Variants in PRKG1 observed in about 807,000 individuals in gnomAD.
The protein encoded by PRKG1 is protein kinase cGMP-dependent 1.
A neutral mutation model predicts 88.1 loss-of-function variants in PRKG1; 35 were observed. The ratio of observed to expected loss-of-function variants is 0.40; its 90% CI spans 0.30 to 0.53. PRKG1 has a LOEUF of 0.53. Ranked by LOEUF, PRKG1 falls within the 20% of genes least tolerant of loss-of-function variation. The probability of loss-of-function intolerance (pLI) is 0.59; values close to 1 mark genes in which losing one functional copy is unlikely to be tolerated. For synonymous variants in PRKG1, 303 were observed against 292.5 expected (o/e 1.04, Z -0.37); for missense variants, 540 against 839.8 (o/e 0.64, Z 4.41).
intron 3 of PRKG1, among the ~76,000 whole-genome samples, chr10:51,482,723 C>T (rs1564517227): frequency 6.6e-6 from 1 of 152,144 alleles, no homozygotes; most frequent in Non-Finnish European, 1.5e-5. Context: ...CATGGTCATC[C>T]AGTCTGGGTT....
At chr10:51,352,546 A>G (rs1472728360) in intron 2 of PRKG1, among the ~76,000 whole-genome samples, 1 of 152,174 alleles carries the variant, frequency 6.6e-6, no homozygotes, top group African/African-American at 2.4e-5. Flanking sequence ...GAAGTGAAAG[A>G]TCTCTACAGT....
rs139511110 is a variant in PRKG1 at position 51,518,295 on chromosome 10, G to T, written c.592+50459G>T. Among the ~76,000 whole-genome samples the T allele has an allele frequency of 6.7e-3, 1,013 of 152,236 alleles. 9 individuals carry two copies. The highest frequency in any genetic ancestry group is 0.011 in the Non-Finnish European group (775 of 68,012). On this transcript the variant is annotated intron_variant, in intron 3 of 17. Transcript: ENST00000373980. ...TTACAGGTGTGAGCCACCATGCCCC[G>T]CATGGATTCTAATTTCTGTCTTCTT...
chr10:52,062,011 G>C (rs1009355455), intron 6 of PRKG1, among the ~76,000 whole-genome samples: 1 of 151,960 alleles, frequency 6.6e-6, no homozygotes, highest in Non-Finnish European at 1.5e-5. Context: ...CAATTTATAG[G>C]ATATGGGTAA....
chr10:51,826,000 C>CA (rs1218668814), intron 4 of PRKG1, among the ~76,000 whole-genome samples: 2 of 152,010 alleles, frequency 1.3e-5, no homozygotes, highest in South Asian at 2.1e-4. Context: ...AACTTGATGC[C>CA]CATTCATGGG....
At chr10:51,010,632 A>G (rs1312346192) in intron 1 of PRKG1, among the ~76,000 whole-genome samples, 3 of 152,312 alleles carry the variant, frequency 2.0e-5, no homozygotes, top group East Asian at 3.9e-4. Context: ...ATTGCTGGAA[A>G]AGGGCTACAC....
At chr10:51,607,631 C>T (rs901140040) in intron 3 of PRKG1, among the ~76,000 whole-genome samples, 1 of 152,154 alleles carries the variant, frequency 6.6e-6, no homozygotes. Flanking sequence ...CAGAACCTGC[C>T]TTAGTGGCCC....
chr10:51,624,252 C>A (rs1195708546), intron 3 of PRKG1, among the ~76,000 whole-genome samples: 1 of 152,024 alleles, frequency 6.6e-6, no homozygotes, highest in Admixed American at 6.5e-5. Flanking sequence ...CTTGCTAGAC[C>A]CATTCATTAC....
At chr10:51,687,540 G>A (rs1841025132) in intron 3 of PRKG1, among the ~76,000 whole-genome samples, 1 of 152,130 alleles carries the variant, frequency 6.6e-6, no homozygotes, top group East Asian at 1.9e-4. Context: ...TGGGTTATAG[G>A]GAAAGACATT....
intron 4 of PRKG1, among the ~76,000 whole-genome samples, chr10:51,878,400 T>C (rs1482593493): frequency 6.6e-6 from 1 of 152,156 alleles, no homozygotes; most frequent in Non-Finnish European, 1.5e-5. Flanking sequence ...AATATGTAAG[T>C]GGCAAATCTA....
intron 2 of PRKG1, among the ~76,000 whole-genome samples, chr10:51,370,542 T>C (rs962991132): frequency 3.9e-4 from 59 of 150,564 alleles, no homozygotes; most frequent in African/African-American, 1.3e-3. Flanking sequence ...GTAAGGAAAG[T>C]TTAGTCCCAG....
intron 4 of PRKG1, among the ~76,000 whole-genome samples, chr10:51,821,641 A>T (rs140310372): frequency 0.011 from 1,617 of 152,204 alleles, 31 homozygotes; most frequent in African/African-American, 0.037. Context: ...TATTTAGCAC[A>T]TTGACCTATA....
In PRKG1 at chr10:51,404,183, G is replaced by C. The variant is rs957639134; in HGVS notation, c.479-63540G>C. Among the ~76,000 whole-genome samples, 7 of 152,186 alleles carry C rather than the reference G, an allele frequency of 4.6e-5. No homozygotes were observed. In the South Asian group the frequency reaches 1.0e-3, roughly 22 times the overall value. ...ACACTTTCTCAAATCTGCATCAAGA[G>C]TATTTCAGATAGTTAGCGTCATTGT... On this transcript the variant is annotated intron_variant, in intron 2 of 17. Coordinates refer to ENST00000373980, the MANE Select transcript of PRKG1 (RefSeq NM_006258.4).
At chr10:52,000,913 C>G (rs1476788615) in intron 5 of PRKG1, among the ~76,000 whole-genome samples, 1 of 151,934 alleles carries the variant, frequency 6.6e-6, no homozygotes, top group Non-Finnish European at 1.5e-5. Context: ...AAAGCCATCA[C>G]AAGAATCTGA....
intron 9 of PRKG1, among the ~76,000 whole-genome samples, chr10:52,179,779 C>T (rs1838965524): frequency 6.6e-6 from 1 of 152,218 alleles, no homozygotes; most frequent in Non-Finnish European, 1.5e-5. Context: ...ACCTGCACCT[C>T]CTGGGTTCAA....
At chr10:52,143,169 C>A (rs531604669) in intron 8 of PRKG1, among the ~76,000 whole-genome samples, 1 of 152,212 alleles carries the variant, frequency 6.6e-6, no homozygotes, top group East Asian at 1.9e-4. Context: ...TAACACTACT[C>A]CTGTGAGAGA....
Position 52,173,747 on chromosome 10 carries a change from C to T in PRKG1, c.1076+11784C>T, listed in dbSNP as rs192244442. Reference sequence around the variant, plus strand: ...ATGTAGAGATAAAAGACAAAAGCTACTGCTCTAATATTCAAAAACTGTACA... The same window carrying T: ...ATGTAGAGATAAAAGACAAAAGCTATTGCTCTAATATTCAAAAACTGTACA... On this transcript the variant is annotated intron_variant, in intron 9 of 17. Coordinates refer to ENST00000373980, the MANE Select transcript of PRKG1 (RefSeq NM_006258.4). Among the ~76,000 whole-genome samples the T allele has an allele frequency of 1.8e-3, 274 of 152,276 alleles. 3 individuals are homozygous for T. The highest frequency in any genetic ancestry group is 6.2e-4 in the South Asian group (3 of 4,830).
At chr10:51,131,041 T>A (rs1845554620) in intron 1 of PRKG1, among the ~76,000 whole-genome samples, 1 of 152,244 alleles carries the variant, frequency 6.6e-6, no homozygotes, top group African/African-American at 2.4e-5. Flanking sequence ...ATATTTATTA[T>A]ATGCCATATT....
At chr10:51,616,059 A>G (rs143923708) in intron 3 of PRKG1, among the ~76,000 whole-genome samples, 8 of 152,314 alleles carry the variant, frequency 5.3e-5, no homozygotes, top group African/African-American at 1.9e-4. Context: ...TCTCTGTATG[A>G]ACTATCTGGC....
At chr10:52,046,619 A>T (rs1845869435) in intron 5 of PRKG1, 1 of 152,178 alleles carries the variant, frequency 6.6e-6, no homozygotes, top group Non-Finnish European at 1.5e-5. Context: ...AGAACATGGC[A>T]TAGGGAAGTT....
Sources: allele counts gnomAD v4.1 joint callset (sites outside exome capture counted in the v4.1 genomes callset), GRCh38; gene constraint gnomAD v4.1.1; transcripts MANE v1.5; gene names NCBI Gene and HGNC (gene_info 2026-07-23, HGNC 2026-07-21).